Variants in DAB1 observed in about 807,000 individuals in gnomAD.
DAB1 encodes the protein DAB adaptor protein 1.
DAB1 carries 15 observed loss-of-function variants against 64.6 expected under a neutral mutation model. That is an observed-to-expected ratio of 0.23 (90% CI 0.16 to 0.36). The LOEUF is 0.36. Ranked by LOEUF, DAB1 falls within the 10% of genes least tolerant of loss-of-function variation. The pLI, the probability that DAB1 is intolerant of heterozygous loss-of-function variation, is 1.00. For synonymous variants in DAB1, 235 were observed against 251.9 expected, an observed-to-expected ratio of 0.93 and a Z score of 0.64; for missense variants, 596 against 706.7, an observed-to-expected ratio of 0.84 and a Z score of 1.78.
intron 7 of DAB1, among the ~76,000 whole-genome samples, chr1:57,508,389 T>C (rs1384976577): frequency 6.6e-6 from 1 of 152,206 alleles, no homozygotes; most frequent in Non-Finnish European, 1.5e-5. Context: ...AATCAAAAAA[T>C]GAATCTGTCA....
intron 7 of DAB1, among the ~76,000 whole-genome samples, chr1:57,597,093 T>G (rs7555442): frequency 0.031 from 4,682 of 152,268 alleles, 236 homozygotes; most frequent in African/African-American, 0.11. Context: ...CCCGCTCAGC[T>G]CAGACAGTTC....
intron 5 of DAB1, among the ~76,000 whole-genome samples, chr1:58,109,643 C>T (rs566694227): frequency 2.2e-4 from 33 of 152,016 alleles, no homozygotes; most frequent in African/African-American, 7.7e-4. Flanking sequence ...GCATCATACT[C>T]ACGTGGGCCA....
chr1:57,810,356 G>A (rs1159017237), intron 6 of DAB1, among the ~76,000 whole-genome samples: 4 of 152,206 alleles, frequency 2.6e-5, no homozygotes, highest in Non-Finnish European at 5.9e-5. Context: ...CTTTTCTATA[G>A]AGGGGACACA....
chr1:58,156,731 C>A (rs1042448416), intron 4 of DAB1, among the ~76,000 whole-genome samples: 2 of 151,888 alleles, frequency 1.3e-5, no homozygotes, highest in Non-Finnish European at 2.9e-5. Context: ...GTGCAAAGTG[C>A]GGAGGAAAGG....
intron 4 of DAB1, among the ~76,000 whole-genome samples, chr1:58,150,853 C>G (rs1201487351): frequency 1.3e-5 from 2 of 152,108 alleles, no homozygotes; most frequent in Admixed American, 6.5e-5. Context: ...TCCCCTCACC[C>G]CACGACAAGC....
At position 57,260,087 on chromosome 1, in the gene DAB1, G is replaced by A. The variant is rs1488689767; in HGVS notation, c.67+30877C>T. On this transcript the variant is annotated intron_variant, in intron 2 of 14. Coordinates refer to ENST00000371236, the MANE Select transcript of DAB1 (RefSeq NM_001365792.1). ...ACATAGAGAACTCGGCCAAGAAGGA[G>A]CCTCACCAGCCTGCCCCGCTAGTGT... Among the ~76,000 whole-genome samples the A allele has an allele frequency of 2.6e-5, 4 of 152,090 alleles. No individual in the cohort carries two copies. In the South Asian group the frequency reaches 6.2e-4, roughly 24 times the overall value.
intron 3 of DAB1, among the ~76,000 whole-genome samples, chr1:58,465,508 T>C (rs1053222947): frequency 6.6e-6 from 1 of 152,184 alleles, no homozygotes; most frequent in African/African-American, 2.4e-5. Flanking sequence ...AAAAGGAGGC[T>C]ACAGGCTCAG....
In DAB1 at chr1:57,293,844, G is replaced by A. The variant is rs183918654; in HGVS notation, c.-136-2678C>T. ...CTTCAACCTTATAAATCACAATATA[G>A]CATCTCTCCTTATTTCTATCTTCAA... On this transcript the variant is annotated intron_variant, in intron 1 of 14. Coordinates refer to ENST00000371236, the MANE Select transcript of DAB1 (RefSeq NM_001365792.1). 3.3e-5 allele frequency among the ~76,000 whole-genome samples: 5 copies of A among 152,120 alleles called. No homozygotes were observed. The East Asian group carries it at 9.7e-4, about 29-fold the overall frequency.
At chr1:57,599,245 A>C (rs1197546442) in intron 7 of DAB1, among the ~76,000 whole-genome samples, 1 of 151,848 alleles carries the variant, frequency 6.6e-6, no homozygotes, top group Non-Finnish European at 1.5e-5. Flanking sequence ...AAACCAAGCT[A>C]AAGTGAAATG....
chr1:57,379,777 C>CCT (rs1300605015), intron 1 of DAB1, among the ~76,000 whole-genome samples: 1 of 152,162 alleles, frequency 6.6e-6, no homozygotes, highest in Admixed American at 6.6e-5. Context: ...CTATGATTTA[C>CCT]CTCTCTCAGC....
chr1:58,487,835 TATTA>T (rs66476428), intron 3 of DAB1, among the ~76,000 whole-genome samples: 8,515 of 152,222 alleles, frequency 0.056, 304 homozygotes, highest in Non-Finnish European at 0.088. Flanking sequence ...TGACCTGAGC[TATTA>T]ATTAACATTA....
rs1418072580 is a variant in DAB1, at chr1:57,791,593, T to C, written n.551+92406A>G. On this transcript the variant is annotated intron_variant and non_coding_transcript_variant, in intron 6 of 20. Transcript: ENST00000485760. ...CATTCTTTGATGATAATAACCACCT[T>C]GCAGAGTAACATGAGAAATCAGTGA... Among the ~76,000 whole-genome samples the C allele has an allele frequency of 1.3e-5, 2 of 152,166 alleles. 1 individual carries two copies. Among genetic ancestry groups the C allele is most frequent in the Non-Finnish European group, 2.9e-5 (2 of 68,028 alleles).
intron 7 of DAB1, among the ~76,000 whole-genome samples, chr1:57,488,006 T>C (rs1308832750): frequency 1.3e-5 from 2 of 152,218 alleles, no homozygotes; most frequent in East Asian, 3.9e-4. Context: ...CTTATATTGC[T>C]ATTGAGTATA....
intron 7 of DAB1, among the ~76,000 whole-genome samples, chr1:57,580,328 G>C (rs1645298482): frequency 6.6e-6 from 1 of 152,068 alleles, no homozygotes; most frequent in Non-Finnish European, 1.5e-5. Context: ...CATCTCCGGG[G>C]AGACAAAGCT....
rs549681594 is a variant in DAB1, at chr1:58,373,555, C to A, written n.258-30152G>T. 4.6e-5 allele frequency among the ~76,000 whole-genome samples: 7 copies of A among 151,372 alleles called. No homozygotes were observed. The South Asian group carries it at 1.5e-3, about 32-fold the overall frequency. Reference sequence around the variant, plus strand: ...CCATGGTGTATATGTGCCACATTTTCTTAATCCAGTCTATCATTGTTGGAC... The same window carrying A: ...CCATGGTGTATATGTGCCACATTTTATTAATCCAGTCTATCATTGTTGGAC... On this transcript the variant is annotated intron_variant and non_coding_transcript_variant, in intron 3 of 20. Transcript: ENST00000485760.
At chr1:57,791,203 C>T (rs1650580655) in intron 6 of DAB1, among the ~76,000 whole-genome samples, 1 of 152,118 alleles carries the variant, frequency 6.6e-6, no homozygotes, top group Non-Finnish European at 1.5e-5. Flanking sequence ...TGTCTAGTAC[C>T]AAGGAAGGAT....
chr1:57,542,362 G>A (rs980253857), intron 7 of DAB1, among the ~76,000 whole-genome samples: 1 of 151,440 alleles, frequency 6.6e-6, no homozygotes, highest in Non-Finnish European at 1.5e-5. Flanking sequence ...GCCTGGCAGT[G>A]GGCCACACCC....
intron 7 of DAB1, among the ~76,000 whole-genome samples, chr1:57,626,465 T>A (rs1163260082): frequency 2.6e-5 from 4 of 152,168 alleles, no homozygotes; most frequent in Non-Finnish European, 5.9e-5. Flanking sequence ...GCAGAGATCA[T>A]TAGCGTCAGA....
At chr1:57,057,193 A>C (rs768762070) in intron 9 of DAB1, among the ~76,000 whole-genome samples, 22 of 152,186 alleles carry the variant, frequency 1.4e-4, no homozygotes, top group Non-Finnish European at 2.9e-4. Context: ...AAAGTAGAGA[A>C]GGCAACAAAA....
Sources: gnomAD v4.1 joint callset for allele counts (sites outside exome capture counted in the v4.1 genomes callset) on GRCh38, gnomAD v4.1.1 for gene constraint, MANE v1.5 for transcripts, NCBI Gene and HGNC (gene_info 2026-07-23, HGNC 2026-07-21) for gene names.